Variants in CATSPERE observed in about 807,000 individuals in gnomAD.
The protein encoded by CATSPERE is catsper channel auxiliary subunit epsilon.
A neutral mutation model predicts 114.1 loss-of-function variants in CATSPERE; 93 were observed. That is an observed-to-expected ratio of 0.81 (90% CI 0.69 to 0.97). The LOEUF (loss-of-function observed/expected upper bound fraction) is 0.97, where lower values mean the gene tolerates loss of function less well. Among genes scored for constraint, CATSPERE ranks in the 50% least tolerant of loss-of-function variants. The pLI, the probability that CATSPERE is intolerant of heterozygous loss-of-function variation, is 0.00. For synonymous variants in CATSPERE, 341 were observed against 384.1 expected, an observed-to-expected ratio of 0.89 and a Z score of 1.31; for missense variants, 1,058 against 1,131.6, an observed-to-expected ratio of 0.93 and a Z score of 0.93.
chr1:244,510,666 A>T (rs1338516576), intron 7 of CATSPERE, among the ~76,000 whole-genome samples: 1 of 151,596 alleles, frequency 6.6e-6, no homozygotes, highest in African/African-American at 2.4e-5. Flanking sequence ...TTCTTTGTTG[A>T]TTTTCTATCT....
intron 6 of CATSPERE, among the ~76,000 whole-genome samples, chr1:244,490,735 A>G (rs1046788457): frequency 6.6e-6 from 1 of 152,180 alleles, no homozygotes; most frequent in South Asian, 2.1e-4. Flanking sequence ...AGGAGCAGAG[A>G]TGATTATCCA....
At chr1:244,595,914 C>T (rs1490528201) in intron 17 of CATSPERE, among the ~76,000 whole-genome samples, 1 of 151,784 alleles carries the variant, frequency 6.6e-6, no homozygotes, top group Non-Finnish European at 1.5e-5. Flanking sequence ...GCCTGGGCGA[C>T]AGAGCGAGAC....
At chr1:244,521,898 A>G (rs1677636300) in intron 8 of CATSPERE, among the ~76,000 whole-genome samples, 1 of 150,646 alleles carries the variant, frequency 6.6e-6, no homozygotes, top group Admixed American at 6.6e-5. Flanking sequence ...TTAGAAAGTC[A>G]TTGGTGAGAC....
chr1:244,611,890 A>T (rs1670781745), intron 19 of CATSPERE, among the ~76,000 whole-genome samples: 1 of 152,190 alleles, frequency 6.6e-6, no homozygotes, highest in African/African-American at 2.4e-5. Flanking sequence ...AATGGTTCTC[A>T]AACTTTAGCA....
At chr1:244,564,468 TC>T (rs1663101673) in intron 10 of CATSPERE, among the ~76,000 whole-genome samples, 1 of 152,206 alleles carries the variant, frequency 6.6e-6, no homozygotes, top group African/African-American at 2.4e-5. Flanking sequence ...GTCCTTTACA[TC>T]CCTTGTAAGT....
At chr1:244,528,785 C>CCACACACGCACGCGCGCACACACA (rs749801424) in intron 8 of CATSPERE, among the ~76,000 whole-genome samples, 4 of 130,536 alleles carry the variant, frequency 3.1e-5, no homozygotes, top group African/African-American at 8.9e-5. Flanking sequence ...CAATCCCCCA[C>CCACACACGCACGCGCGCACACACA]CACACACACA....
Position 244,552,593 on chromosome 1 carries a change from A to G in CATSPERE, c.808A>G (p.Thr270Ala). The change falls in exon 9 of 22, where the codon ACC (threonine) becomes GCC (alanine). Residue 270 changes from threonine (T) to alanine (A), a missense_variant. Thr to Ala is a moderately conservative substitution (Grantham distance 58). This residue lies in a region of CATSPERE where 787 missense variants were observed against 905.6 expected (regional missense o/e 0.87). Coordinates refer to ENST00000366534, the MANE Select transcript of CATSPERE (RefSeq NM_001130957.2). ...CACAACTGATTCATTCAAATCTTGG[A>G]CCAGAATCAGAGTGCCTCCAGACAT... ...FHTTDSFKSW[T>A]RIRVPPDILS... 6.2e-7 allele frequency: 1 copy of G among 1,614,202 alleles called. No homozygotes were observed. The highest frequency in any genetic ancestry group is 8.5e-7 in the Non-Finnish European group (1 of 1,180,038).
At chr1:244,539,288 T>A (rs1558457130) in intron 8 of CATSPERE, among the ~76,000 whole-genome samples, 1 of 132,856 alleles carries the variant, frequency 7.5e-6, no homozygotes, top group Non-Finnish European at 1.6e-5. Flanking sequence ...TTGATTTGCA[T>A]ATATTGAACC....
At chr1:244,467,468 G>A (rs1427970033) in intron 2 of CATSPERE, among the ~76,000 whole-genome samples, 1 of 152,106 alleles carries the variant, frequency 6.6e-6, no homozygotes, top group African/African-American at 2.4e-5. Flanking sequence ...AGATAACAAG[G>A]GGTGGTAAGA....
chr1:244,525,518 AAAG>A (rs1445111223), intron 8 of CATSPERE, among the ~76,000 whole-genome samples: 2 of 151,928 alleles, frequency 1.3e-5, no homozygotes, highest in African/African-American at 2.4e-5. Flanking sequence ...ATAAAATAAA[AAAG>A]AAAGTCATTG....
At chr1:244,532,866 A>T (rs1679825542) in intron 8 of CATSPERE, among the ~76,000 whole-genome samples, 1 of 152,138 alleles carries the variant, frequency 6.6e-6, no homozygotes, top group South Asian at 2.1e-4. Context: ...AGTATCTCTT[A>T]GGTCCATTTG....
chr1:244,468,856 T>C (rs1441289958), intron 2 of CATSPERE, among the ~76,000 whole-genome samples: 1 of 152,154 alleles, frequency 6.6e-6, no homozygotes, highest in Non-Finnish European at 1.5e-5. Context: ...AGGGAGAGGC[T>C]GCAGTGAGCT....
At chr1:244,584,024 A>ACAATACCTCCATG (rs1387233846) in intron 13 of CATSPERE, 85 bp downstream of exon 13, 9 of 1,006,710 alleles carry the variant, frequency 8.9e-6, no homozygotes, top group Non-Finnish European at 1.4e-5. Flanking sequence ...ATACCTCCGT[A>ACAATACCTCCATG]CAATACCTCC....
chr1:244,508,150 A>G (rs1675102359), intron 7 of CATSPERE, among the ~76,000 whole-genome samples: 1 of 151,714 alleles, frequency 6.6e-6, no homozygotes, highest in African/African-American at 2.4e-5. Flanking sequence ...TTTTTTCCTC[A>G]GTGTTTTATA....
At chr1:244,601,890 GTTGCAGTGTGCCAAGA>G (rs1669284287) in intron 17 of CATSPERE, among the ~76,000 whole-genome samples, 1 of 152,140 alleles carries the variant, frequency 6.6e-6, no homozygotes, top group African/African-American at 2.4e-5. Context: ...AGAGGCAGAG[GTTGCAGTGTGCCAAGA>G]TCGCACCACT....
At chr1:244,580,509 A>G (rs2148607673) in intron 11 of CATSPERE, among the ~76,000 whole-genome samples, 1 of 152,226 alleles carries the variant, frequency 6.6e-6, no homozygotes, top group African/African-American at 2.4e-5. Context: ...TTAAAAATGA[A>G]TATAACACCC....
chr1:244,533,893 CT>C (rs1247508102), intron 8 of CATSPERE, among the ~76,000 whole-genome samples: 42 of 130,842 alleles, frequency 3.2e-4, no homozygotes, highest in Admixed American at 8.7e-4. Context: ...TGCTCACTGT[CT>C]TTTTCTTTTA....
At chr1:244,493,301 C>G (rs1050111276) in intron 6 of CATSPERE, among the ~76,000 whole-genome samples, 29 of 152,260 alleles carry the variant, frequency 1.9e-4, no homozygotes, top group African/African-American at 5.1e-4. Flanking sequence ...TGCCACATAT[C>G]TACAACCATC....
chr1:244,512,204 A>G (rs1675891032), intron 7 of CATSPERE, among the ~76,000 whole-genome samples: 1 of 152,176 alleles, frequency 6.6e-6, no homozygotes, highest in Admixed American at 6.5e-5. Context: ...ATGGTATCCC[A>G]TATGTCATAT....
Sources: allele counts gnomAD v4.1 joint callset (sites outside exome capture counted in the v4.1 genomes callset), GRCh38; gene constraint gnomAD v4.1.1; regional missense constraint gnomAD v4.1.1; transcripts MANE v1.5; gene names NCBI Gene and HGNC (gene_info 2026-07-23, HGNC 2026-07-21).